Variants in GCLC observed in about 807,000 individuals in gnomAD.
GCLC encodes the protein glutamate--cysteine ligase catalytic subunit.
Under a neutral mutation model 81.5 loss-of-function variants are expected in GCLC, and 30 were observed. The observed-to-expected ratio is 0.37, with a 90% CI of 0.28 to 0.50. The LOEUF (loss-of-function observed/expected upper bound fraction) is 0.50, where lower values mean the gene tolerates loss of function less well. Ranked by LOEUF, GCLC falls within the 20% of genes least tolerant of loss-of-function variation. The pLI is 0.96. For synonymous variants in GCLC, 262 were observed against 273.3 expected, an observed-to-expected ratio of 0.96 and a Z score of 0.41; for missense variants, 556 against 777.4, an observed-to-expected ratio of 0.72 and a Z score of 3.39.
At chr6:53,538,873 C>A in intron 1 of GCLC, among the ~76,000 whole-genome samples, 1 of 152,138 alleles carries the variant, frequency 6.6e-6, no homozygotes, top group East Asian at 1.9e-4. Context: ...TGTTTTCTGA[C>A]CCTCTACAAC....
chr6:53,511,511 C>A (rs2127622149), intron 6 of GCLC, among the ~76,000 whole-genome samples: 1 of 152,080 alleles, frequency 6.6e-6, no homozygotes, highest in South Asian at 2.1e-4. Flanking sequence ...GCCTAGTATA[C>A]AATACATAAT....
At chr6:53,509,670 A>T (rs948634712) in intron 6 of GCLC, 1 of 245,518 alleles carries the variant, frequency 4.1e-6, no homozygotes, top group African/African-American at 2.3e-5. Flanking sequence ...TTTTTTTGAG[A>T]TGGAGTCTCA....
chr6:53,501,554 C>T (rs1279411283), intron 12 of GCLC, among the ~76,000 whole-genome samples: 1 of 152,104 alleles, frequency 6.6e-6, no homozygotes, highest in Non-Finnish European at 1.5e-5. Flanking sequence ...TCAATATATA[C>T]AACAGTGACC....
At chr6:53,529,784 C>T (rs1294492055) in intron 1 of GCLC, among the ~76,000 whole-genome samples, 1 of 152,236 alleles carries the variant, frequency 6.6e-6, no homozygotes, top group Non-Finnish European at 1.5e-5. Flanking sequence ...ATCAACTGCC[C>T]TGCAGTAGCC....
chr6:53,538,586 C>G (rs1312089055), intron 1 of GCLC, among the ~76,000 whole-genome samples: 1 of 152,146 alleles, frequency 6.6e-6, no homozygotes, highest in African/African-American at 2.4e-5. Context: ...CTGCCTCGGC[C>G]TCCCAGCTAT....
chr6:53,534,252 T>C (rs1459970175), intron 1 of GCLC, among the ~76,000 whole-genome samples: 3 of 152,218 alleles, frequency 2.0e-5, no homozygotes, highest in African/African-American at 7.2e-5. Flanking sequence ...AGATACTAAA[T>C]GATGAAAACT....
intron 1 of GCLC, among the ~76,000 whole-genome samples, chr6:53,527,310 A>C (rs761142): frequency 0.33 from 50,840 of 152,026 alleles, 8,823 homozygotes; most frequent in Admixed American, 0.46. Context: ...CTCTCTTGCA[A>C]TGGCCCAAAC....
At chr6:53,516,291 T>C in intron 3 of GCLC, 69 bp from the exon 4 acceptor site, 1 of 973,684 alleles carries the variant, frequency 1.0e-6, no homozygotes, top group Non-Finnish European at 1.7e-6. Flanking sequence ...AGTCTTGCCA[T>C]CACTGCACCT....
chr6:53,541,454 A>G (rs1345309711), intron 1 of GCLC, among the ~76,000 whole-genome samples: 1 of 152,198 alleles, frequency 6.6e-6, no homozygotes, highest in Non-Finnish European at 1.5e-5. Flanking sequence ...CAGGAATGTT[A>G]TTCTTCTCAA....
chr6:53,515,981 T>C (rs1764863317), intron 4 of GCLC, 128 bp downstream of exon 4: 2 of 684,736 alleles, frequency 2.9e-6, no homozygotes, highest in Admixed American at 4.1e-5. Flanking sequence ...CTATCTTCTC[T>C]GGTTACTTAG....
chr6:53,533,189 A>G (rs2127629230), intron 1 of GCLC, among the ~76,000 whole-genome samples: 1 of 152,318 alleles, frequency 6.6e-6, no homozygotes, highest in South Asian at 2.1e-4. Flanking sequence ...TACCAAAGTG[A>G]CCCAAACTCA....
At chr6:53,522,862 C>A in intron 1 of GCLC, 1 of 240,598 alleles carries the variant, frequency 4.2e-6, no homozygotes, top group Non-Finnish European at 8.2e-6. Flanking sequence ...AAAAAAGAAG[C>A]TGCATTTTAA....
intron 4 of GCLC, among the ~76,000 whole-genome samples, chr6:53,515,127 G>A (rs899756329): frequency 3.9e-5 from 6 of 152,198 alleles, no homozygotes; most frequent in African/African-American, 1.2e-4. Context: ...TGGATCAAAT[G>A]ATAACATTTT....
intron 6 of GCLC, chr6:53,510,119 A>G: frequency 6.5e-6 from 1 of 152,722 alleles, no homozygotes; most frequent in Non-Finnish European, 1.5e-5. Flanking sequence ...CTGGTGACCA[A>G]GGGGAGACTG....
At chr6:53,535,202 G>A (rs1381852427) in intron 1 of GCLC, among the ~76,000 whole-genome samples, 1 of 152,100 alleles carries the variant, frequency 6.6e-6, no homozygotes. Flanking sequence ...AGGCAGCATA[G>A]CAGAACCTCA....
intron 12 of GCLC, among the ~76,000 whole-genome samples, chr6:53,503,760 T>C (rs978991619): frequency 6.8e-6 from 1 of 147,762 alleles, no homozygotes; most frequent in African/African-American, 2.6e-5. Context: ...TGTATATCTT[T>C]CCTATATAAA....
intron 1 of GCLC, among the ~76,000 whole-genome samples, chr6:53,530,830 C>T (rs1000435753): frequency 6.6e-6 from 1 of 152,088 alleles, no homozygotes; most frequent in African/African-American, 2.4e-5. Flanking sequence ...AAAAAGCCTA[C>T]TTCCTGCATT....
intron 1 of GCLC, among the ~76,000 whole-genome samples, chr6:53,529,694 C>G (rs1763141277): frequency 6.6e-6 from 1 of 152,204 alleles, no homozygotes; most frequent in Non-Finnish European, 1.5e-5. Context: ...TTCCTAAGAA[C>G]GTATTCCCCT....
Position 53,505,916 on chromosome 6 carries a change from A to C in GCLC, c.1198-21T>G, listed in dbSNP as rs1561939305. The C allele has an allele frequency of 3.5e-6, 5 of 1,444,572 alleles. No individual in the cohort carries two copies. In the South Asian group the frequency reaches 5.7e-5, roughly 16 times the overall value. The allele number at this position is 1,444,572 out of a possible 1,614,324, so 89.5% of individuals were successfully genotyped here. A position where few individuals can be genotyped will look rare whatever the true frequency, so the allele number is the denominator to read the frequency against. On this transcript the variant is annotated intron_variant, in intron 10 of 15. Transcript: ENST00000650454. ...ATATTCTGTGATACAAAAGCAGAGA[A>C]GAAAACCAACTTTTCACACATCCAG...
Sources: gnomAD v4.1 joint callset for allele counts (sites outside exome capture counted in the v4.1 genomes callset) on GRCh38, gnomAD v4.1.1 for gene constraint, MANE v1.5 for transcripts, NCBI Gene and HGNC (gene_info 2026-07-23, HGNC 2026-07-21) for gene names.